TMEM131: variants seen among roughly 807,000 people sequenced by gnomAD.
TMEM131 encodes 2610524E03Rik.
TMEM131 carries 66 observed loss-of-function variants against 211.6 expected under a neutral mutation model. The observed-to-expected ratio is 0.31, with a 90% CI of 0.26 to 0.38. TMEM131 has a LOEUF of 0.38. Among genes scored for constraint, TMEM131 ranks in the 10% least tolerant of loss-of-function variants. The pLI is 1.00. For missense variants in TMEM131, 2,036 were observed against 2,299.3 expected, an observed-to-expected ratio of 0.89 and a Z score of 2.34; for synonymous variants, 844 against 841.3, an observed-to-expected ratio of 1.00 and a Z score of -0.06.
At chr2:97,928,966 T>C (rs961187904) in intron 1 of TMEM131, among the ~76,000 whole-genome samples, 14 of 151,856 alleles carry the variant, frequency 9.2e-5, no homozygotes, top group African/African-American at 2.9e-4. Flanking sequence ...TTAGTATACA[T>C]ACATGTATTT....
intron 1 of TMEM131, among the ~76,000 whole-genome samples, chr2:97,951,871 A>C (rs1184793895): frequency 6.6e-6 from 1 of 152,072 alleles, no homozygotes; most frequent in Non-Finnish European, 1.5e-5. Flanking sequence ...AGAAGTGTTC[A>C]ATTTCGGCCA....
chr2:97,963,186 A>T (rs777286549), intron 1 of TMEM131, among the ~76,000 whole-genome samples: 1 of 152,248 alleles, frequency 6.6e-6, no homozygotes, highest in Non-Finnish European at 1.5e-5. Context: ...TGGCTAAAAC[A>T]TAAAGGAAAG....
At chr2:97,766,697 A>G in intron 33 of TMEM131, 95 bp from the exon 34 acceptor site, 1 of 1,478,800 alleles carries the variant, frequency 6.8e-7, no homozygotes, top group East Asian at 2.3e-5. Context: ...ATACAACTGC[A>G]TGCAGGAAGC....
At chr2:97,881,754 T>C (rs1190405739) in intron 4 of TMEM131, among the ~76,000 whole-genome samples, 2 of 131,146 alleles carry the variant, frequency 1.5e-5, no homozygotes, top group African/African-American at 5.9e-5. Context: ...AGATGTTGAA[T>C]AGGTAGCTAA....
intron 8 of TMEM131, 45 bp from the exon 9 acceptor site, chr2:97,834,970 A>G (rs748364633): frequency 1.2e-6 from 2 of 1,601,980 alleles, no homozygotes; most frequent in Non-Finnish European, 1.7e-6. Flanking sequence ...TTTGTAATGT[A>G]GCAAAACCAC....
At position 97,820,086 on chromosome 2, in the gene TMEM131, T is replaced by G. The variant is rs554269349; in HGVS notation, c.1075-1365A>C. Among the ~76,000 whole-genome samples the G allele has an allele frequency of 3.3e-5, 5 of 152,350 alleles. No homozygotes were observed. The East Asian group carries it at 7.7e-4, about 23-fold the overall frequency. On this transcript the variant is annotated intron_variant, in intron 11 of 40. Coordinates refer to ENST00000186436, the MANE Select transcript of TMEM131 (RefSeq NM_015348.2). ...GTCCTGGGCTGTCAGCAAGTGTTCG[T>G]TCACAGGGTCTGAAATGAAGGCCCT... is the stretch of plus-strand genomic sequence containing the variant.
At position 97,796,407 on chromosome 2, in the gene TMEM131, A is replaced by G. The variant is rs1405824555; in HGVS notation, c.3014-3T>C. On this transcript the variant is annotated splice_region_variant and splice_polypyrimidine_tract_variant and intron_variant, in intron 27 of 40. Transcript: ENST00000186436. ...ATTTGGTTCTCTTAGTTTTAAACCT[A>G]AAGGATAAAAAATCAGGAATAAGAC... 2 of 1,491,162 alleles carry G rather than the reference A, an allele frequency of 1.3e-6. No homozygotes were observed. 92.4% of individuals were successfully genotyped at this position (1,491,162 alleles called of 1,614,324 possible). A position where few individuals can be genotyped will look rare whatever the true frequency, so the allele number is the denominator to read the frequency against.
At chr2:97,993,750 G>A (rs1316463850) in intron 1 of TMEM131, among the ~76,000 whole-genome samples, 2 of 152,170 alleles carry the variant, frequency 1.3e-5, no homozygotes, top group African/African-American at 4.8e-5. Context: ...TATTAGAGAG[G>A]TGCACTAACA....
At chr2:97,953,382 GT>G (rs1332093986) in intron 1 of TMEM131, among the ~76,000 whole-genome samples, 6 of 152,106 alleles carry the variant, frequency 3.9e-5, no homozygotes, top group Non-Finnish European at 7.4e-5. Context: ...TTAAAAACAG[GT>G]ATGGCTATGT....
intron 1 of TMEM131, among the ~76,000 whole-genome samples, chr2:97,938,056 C>A (rs1020678346): frequency 6.6e-6 from 1 of 152,146 alleles, no homozygotes; most frequent in African/African-American, 2.4e-5. Flanking sequence ...ACAACCGGTA[C>A]CAGCCACCTG....
rs774709673 is a variant in TMEM131 at position 97,770,541 on chromosome 2, A to C, written c.4448+1756T>G. Among the ~76,000 whole-genome samples, 3 of 152,216 alleles carry C rather than the reference A, an allele frequency of 2.0e-5. No homozygotes were observed. In the South Asian group the frequency reaches 6.2e-4, roughly 32 times the overall value. On this transcript the variant is annotated intron_variant, in intron 33 of 40. Transcript: ENST00000186436. ...GACCACTCTAAGCTTTTTGGTTTAC[A>C]AGAGAACTAAAAACCCTTGCAAAGG...
chr2:97,900,145 T>C (rs1176690451), intron 3 of TMEM131, among the ~76,000 whole-genome samples: 1 of 152,118 alleles, frequency 6.6e-6, no homozygotes, highest in Non-Finnish European at 1.5e-5. Flanking sequence ...ACTCTCTGAA[T>C]TGTGTGGCTG....
At chr2:97,957,075 C>A (rs1311315886) in intron 1 of TMEM131, among the ~76,000 whole-genome samples, 2 of 145,332 alleles carry the variant, frequency 1.4e-5, no homozygotes, top group East Asian at 2.0e-4. Flanking sequence ...CCAGGCTGGG[C>A]GACAGCGTGA....
At chr2:97,985,598 G>A (rs1240748622) in intron 1 of TMEM131, among the ~76,000 whole-genome samples, 1 of 151,676 alleles carries the variant, frequency 6.6e-6, no homozygotes, top group Admixed American at 6.6e-5. Flanking sequence ...GACCTGCCAA[G>A]CCAGCTAATG....
At position 97,792,952 on chromosome 2, in the gene TMEM131, C is replaced by T. The variant is rs1680575663; in HGVS notation, c.3578G>A (p.Ser1193Asn). The T allele has an allele frequency of 6.2e-7, 1 of 1,601,954 alleles. No homozygotes were observed. Among genetic ancestry groups the T allele is most frequent in the Non-Finnish European group, 8.5e-7 (1 of 1,174,592 alleles). The part of the protein sequence containing the change: ...LNTLSCDPGH[S>N]RGFCGAGGSS... ...ACCGCCTGCTCCACAGAACCCCCTA[C>T]TGTGACCGGGGTCACAGCTGAGTGT... Residue 1193 changes from serine (S) to asparagine (N), a missense_variant, in exon 31 of 41, where the codon AGT (serine) becomes AAT (asparagine). This residue lies in a region of TMEM131 where 1,623 missense variants were observed against 1,805.9 expected (regional missense o/e 0.90). Transcript: ENST00000186436.
At chr2:97,880,454 G>A (rs1179511778) in intron 4 of TMEM131, among the ~76,000 whole-genome samples, 1 of 152,178 alleles carries the variant, frequency 6.6e-6, no homozygotes, top group Non-Finnish European at 1.5e-5. Context: ...GAGAAATGAT[G>A]TGGACCTGAG....
intron 4 of TMEM131, among the ~76,000 whole-genome samples, chr2:97,868,518 A>T (rs1177440243): frequency 6.6e-6 from 1 of 152,080 alleles, no homozygotes; most frequent in Admixed American, 6.6e-5. Flanking sequence ...TTTTTTACTA[A>T]CTAGGAAAGC....
chr2:97,861,074 G>A (rs1343936669), intron 4 of TMEM131, among the ~76,000 whole-genome samples: 6 of 152,096 alleles, frequency 3.9e-5, no homozygotes, highest in East Asian at 1.9e-4. Flanking sequence ...TGAACTCAGC[G>A]GTCGCCTGCC....
intron 4 of TMEM131, chr2:97,887,696 A>G (rs903729738): frequency 1.3e-4 from 22 of 174,332 alleles, no homozygotes; most frequent in Non-Finnish European, 2.2e-4. Context: ...AAGCACATAT[A>G]TTAAACAAAT....
Sources: allele counts gnomAD v4.1 joint callset (sites outside exome capture counted in the v4.1 genomes callset), GRCh38; gene constraint gnomAD v4.1.1; regional missense constraint gnomAD v4.1.1; transcripts MANE v1.5; gene names NCBI Gene and HGNC (gene_info 2026-07-23, HGNC 2026-07-21).